Variants in ASIC2 observed in about 807,000 individuals in gnomAD.
ASIC2 encodes acid-sensing ion channel 2.
A neutral mutation model predicts 57.3 loss-of-function variants in ASIC2; 25 were observed. That is an observed-to-expected ratio of 0.44 (90% CI 0.32 to 0.61). The LOEUF (loss-of-function observed/expected upper bound fraction) is 0.61. Among genes scored for constraint, ASIC2 ranks in the 20% least tolerant of loss-of-function variants. ASIC2 has a pLI of 0.06. For synonymous variants in ASIC2, 319 were observed against 307.5 expected (o/e 1.04, Z -0.39); for missense variants, 641 against 738.1 (o/e 0.87, Z 1.52).
At chr17:33,402,025 G>A (rs1910303443) in intron 1 of ASIC2, among the ~76,000 whole-genome samples, 1 of 152,188 alleles carries the variant, frequency 6.6e-6, no homozygotes, top group African/African-American at 2.4e-5. Context: ...CACAAGGCAA[G>A]AAAGCTGTTG....
intron 1 of ASIC2, among the ~76,000 whole-genome samples, chr17:33,517,699 T>A (rs1241143158): frequency 4.4e-5 from 1 of 22,700 alleles, no homozygotes; most frequent in African/African-American, 2.0e-4. Context: ...GGGCCTGTTG[T>A]GGGGTTGGGG....
chr17:33,504,498 C>A (rs1914192519), intron 1 of ASIC2, among the ~76,000 whole-genome samples: 1 of 152,138 alleles, frequency 6.6e-6, no homozygotes, highest in South Asian at 2.1e-4. Context: ...CACCACCACA[C>A]CCAGCTAATT....
intron 2 of ASIC2, among the ~76,000 whole-genome samples, chr17:33,090,844 C>A (rs1238741868): frequency 3.9e-5 from 6 of 152,260 alleles, no homozygotes; most frequent in Admixed American, 1.3e-4. Flanking sequence ...GACAGGACCC[C>A]AGGGAAGGGT....
intron 1 of ASIC2, among the ~76,000 whole-genome samples, chr17:33,686,548 C>T (rs1441823900): frequency 6.6e-6 from 1 of 152,186 alleles, no homozygotes; most frequent in African/African-American, 2.4e-5. Flanking sequence ...TGGTTGAGAT[C>T]CATGGGCAAC....
At chr17:33,419,350 C>T (rs1910968173) in intron 1 of ASIC2, among the ~76,000 whole-genome samples, 1 of 152,186 alleles carries the variant, frequency 6.6e-6, no homozygotes, top group Non-Finnish European at 1.5e-5. Flanking sequence ...GAGGTACGCC[C>T]ATTGAGGCTC....
At chr17:33,284,323 T>A (rs1302103351) in intron 1 of ASIC2, among the ~76,000 whole-genome samples, 1 of 152,198 alleles carries the variant, frequency 6.6e-6, no homozygotes, top group East Asian at 1.9e-4. Flanking sequence ...AAGTTACCAG[T>A]GTCCTTGAAA....
intron 1 of ASIC2, among the ~76,000 whole-genome samples, chr17:33,358,533 G>A (rs1374555413): frequency 6.6e-6 from 1 of 152,216 alleles, no homozygotes; most frequent in African/African-American, 2.4e-5. Context: ...AAAGTGCTGG[G>A]CATTGAGTTG....
At chr17:33,285,049 T>C (rs1227697132) in intron 1 of ASIC2, among the ~76,000 whole-genome samples, 3 of 152,218 alleles carry the variant, frequency 2.0e-5, no homozygotes, top group Non-Finnish European at 4.4e-5. Context: ...TCAATGAAAT[T>C]TACTCAATTT....
intron 1 of ASIC2, among the ~76,000 whole-genome samples, chr17:33,120,023 C>T (rs1200513570): frequency 6.6e-6 from 1 of 152,212 alleles, no homozygotes; most frequent in Non-Finnish European, 1.5e-5. Context: ...TGTTATTCTT[C>T]CCAGCTTACA....
intron 1 of ASIC2, among the ~76,000 whole-genome samples, chr17:33,641,128 C>A (rs1279399832): frequency 6.6e-6 from 1 of 152,158 alleles, no homozygotes; most frequent in Non-Finnish European, 1.5e-5. Flanking sequence ...CTGTTCCTCT[C>A]TCCATGGAGA....
intron 1 of ASIC2, among the ~76,000 whole-genome samples, chr17:33,175,704 T>C (rs1905727741): frequency 6.6e-6 from 1 of 152,098 alleles, no homozygotes; most frequent in Non-Finnish European, 1.5e-5. Context: ...GCCTCCCCTG[T>C]CTGTGCAATC....
At chr17:33,816,171 G>GA (rs1005484742) in intron 1 of ASIC2, among the ~76,000 whole-genome samples, 4 of 11,570 alleles carry the variant, frequency 3.5e-4, no homozygotes, top group Non-Finnish European at 8.1e-4. Flanking sequence ...ACCAACTGAA[G>GA]GGGGGGCGGG....
At chr17:34,065,039 A>G (rs1369134399) in intron 1 of ASIC2, among the ~76,000 whole-genome samples, 1 of 152,174 alleles carries the variant, frequency 6.6e-6, no homozygotes, top group African/African-American at 2.4e-5. Context: ...GTATCTATCC[A>G]GAGAAGAAGT....
chr17:33,733,829 T>C (rs1234750692), intron 1 of ASIC2, among the ~76,000 whole-genome samples: 2 of 152,116 alleles, frequency 1.3e-5, no homozygotes, highest in Non-Finnish European at 2.9e-5. Flanking sequence ...CTAGATACAG[T>C]TATTGTCCTA....
intron 1 of ASIC2, among the ~76,000 whole-genome samples, chr17:33,515,164 G>A (rs1914529021): frequency 6.6e-6 from 1 of 152,256 alleles, no homozygotes; most frequent in Non-Finnish European, 1.5e-5. Flanking sequence ...GCACAGGGCA[G>A]AGGAATTGCT....
rs1908176484 is a variant in ASIC2, at chr17:33,233,336, C to G, written c.708+58072G>C. On this transcript the variant is annotated intron_variant, in intron 1 of 9. Coordinates refer to ENST00000225823, the MANE Select transcript of ASIC2 (RefSeq NM_183377.2). ...ACCCCCACACTGCCTGGCTGTGCGA[C>G]AGTGCCCTCATGCGCTAGGAGGTTT... Among the ~76,000 whole-genome samples, 6 of 151,984 alleles carry G rather than the reference C, an allele frequency of 3.9e-5. No homozygotes were observed. The South Asian group carries it at 1.2e-3, about 32-fold the overall frequency.
chr17:33,199,316 G>A (rs550810998), intron 1 of ASIC2, among the ~76,000 whole-genome samples: 5 of 152,326 alleles, frequency 3.3e-5, no homozygotes, highest in South Asian at 4.1e-4. Flanking sequence ...TCTGACGCGT[G>A]AGAAGCACTT....
At chr17:33,091,794 T>C (rs1045815953) in intron 2 of ASIC2, among the ~76,000 whole-genome samples, 1 of 152,198 alleles carries the variant, frequency 6.6e-6, no homozygotes, top group Admixed American at 6.5e-5. Context: ...CTGCTCTCTT[T>C]AGAGCACTGC....
intron 1 of ASIC2, among the ~76,000 whole-genome samples, chr17:33,847,670 C>T (rs1439110735): frequency 6.6e-6 from 1 of 152,188 alleles, no homozygotes; most frequent in Non-Finnish European, 1.5e-5. Flanking sequence ...GAGTCTTCTG[C>T]ATGCCAGGGT....
Sources: gnomAD v4.1 joint callset for allele counts (sites outside exome capture counted in the v4.1 genomes callset) on GRCh38, gnomAD v4.1.1 for gene constraint, MANE v1.5 for transcripts, NCBI Gene and HGNC (gene_info 2026-07-23, HGNC 2026-07-21) for gene names.